RPS2: variants seen among roughly 807,000 people sequenced by gnomAD.
RPS2 encodes the protein ribosomal protein S2.
A neutral mutation model predicts 25.3 loss-of-function variants in RPS2; 8 were observed. That is an observed-to-expected ratio of 0.32 (90% CI 0.19 to 0.57). The LOEUF (loss-of-function observed/expected upper bound fraction) is 0.57, where lower values mean the gene tolerates loss of function less well. Among genes scored for constraint, RPS2 ranks in the 20% least tolerant of loss-of-function variants. RPS2 has a pLI of 0.90. For missense variants in RPS2, 229 were observed against 408.1 expected (o/e 0.56, Z 3.78); for synonymous variants, 181 against 161.3 (o/e 1.12, Z -0.92).
intron 3 of RPS2, chr16:1,963,781 C>G (rs1278436635): frequency 2.2e-6 from 1 of 457,626 alleles, no homozygotes; most frequent in Admixed American, 2.4e-5. Context: ...ATGTGGCTTT[C>G]CACTCAGATT....
intron 3 of RPS2, among the ~76,000 whole-genome samples, chr16:1,963,489 G>A (rs746715521): frequency 2.6e-5 from 4 of 152,024 alleles, no homozygotes; most frequent in Admixed American, 6.5e-5. Context: ...GGTGGAGTGC[G>A]CCTGTAACCC....
intron 3 of RPS2, chr16:1,963,589 G>C (rs1005073086): frequency 5.7e-6 from 2 of 353,644 alleles, no homozygotes; most frequent in African/African-American, 4.3e-5. Flanking sequence ...CTAGGCGATA[G>C]GGCGAAACTG....
In RPS2 at chr16:1,964,319, A is replaced by T. The variant is rs1266498173; in HGVS notation, c.224T>A (p.Ile75Asn). 2 of 1,613,582 alleles carry T rather than the reference A, an allele frequency of 1.2e-6. No individual in the cohort carries two copies. Among genetic ancestry groups the T allele is most frequent in the Admixed American group, 3.3e-5 (2 of 60,018 alleles). ...GAGATAGATCTCCTCCAGGGACTTG[A>T]TCTTCATGTCCTTGACCAAGCGGCC... ...KLGRLVKDMKIKSLEEIYLFS... is the reference protein window; with the variant it reads ...KLGRLVKDMKNKSLEEIYLFS... The change falls in exon 3 of 7, where the codon ATC (isoleucine) becomes AAC (asparagine). Residue 75 changes from isoleucine (I) to asparagine (N), a missense_variant. Physicochemically the swap from Ile to Asn is moderately radical, Grantham distance 149. Coordinates refer to ENST00000343262, the MANE Select transcript of RPS2 (RefSeq NM_002952.4).
chr16:1,964,697 G>C, intron 1 of RPS2, 69 bp from the exon 2 acceptor site: 1 of 878,548 alleles, frequency 1.1e-6, no homozygotes, highest in Non-Finnish European at 1.7e-6. Context: ...GCGAGACCCA[G>C]ACAAGGGCTC....
chr16:1,963,664 C>A (rs1470689362), intron 3 of RPS2: 2 of 367,950 alleles, frequency 5.4e-6, no homozygotes, highest in Admixed American at 6.6e-5. Context: ...TGGCTTCCCC[C>A]CGATCTGTCC....
intron 3 of RPS2, 51 bp from the exon 4 acceptor site, chr16:1,963,307 C>A (rs1174750548): frequency 8.0e-7 from 1 of 1,247,364 alleles, no homozygotes; most frequent in Non-Finnish European, 1.1e-6. Flanking sequence ...AAACTTAATA[C>A]CATTATGATA....
intron 3 of RPS2, 21 bp from the exon 4 acceptor site, chr16:1,963,277 G>A: frequency 1.4e-6 from 2 of 1,428,506 alleles, no homozygotes; most frequent in South Asian, 2.5e-5. Flanking sequence ...CAAGAAAATT[G>A]TAGGGAGAGC....
rs753605404 is a variant in RPS2, at chr16:1,962,819, T to C, written c.466A>G (p.Ile156Val). 1.2e-6 allele frequency: 2 copies of C among 1,610,304 alleles called. No homozygotes were observed. The highest frequency in any genetic ancestry group is 1.7e-6 in the Non-Finnish European group (2 of 1,179,654). Residue 156 changes from isoleucine (I) to valine (V), a missense_variant, in exon 5 of 7, where the codon ATC (isoleucine) becomes GTC (valine). Around this residue, in one of 7 missense-constraint regions of RPS2, gnomAD observed 79 missense variants for 159.0 expected, o/e 0.50. Coordinates refer to ENST00000343262, the MANE Select transcript of RPS2 (RefSeq NM_002952.4). ...EVATAIRGAIILAKLSIVPVR... is the reference protein window; with the variant it reads ...EVATAIRGAIVLAKLSIVPVR... ...GGGACGATGGAGAGCTTGGCCAGGA[T>C]GATGGCCCCACGGATGGCGGTGGCC...
Position 1,962,142 on chromosome 16 carries a change from C to T in RPS2, c.838G>A (p.Val280Ile), listed in dbSNP as rs140783691. 1.1e-5 allele frequency: 17 copies of T among 1,586,984 alleles called. No individual in the cohort carries two copies. The highest frequency in any genetic ancestry group is 1.4e-5 in the Non-Finnish European group (17 of 1,174,054). The change falls in exon 7 of 7, where the codon GTC (valine) becomes ATC (isoleucine). Residue 280 changes from valine (V) to isoleucine (I), a missense_variant. Physicochemically the swap from Val to Ile is conservative, Grantham distance 29. Around this residue, in one of 7 missense-constraint regions of RPS2, gnomAD observed 32 missense variants for 29.4 expected, o/e 1.09. Transcript: ENST00000343262. ...GGAGCCTGAGTCCGCTGCACGGAGA[C>T]TCTGGTGTGGGTCTTGACGAGGTGG... ...TDHLVKTHTR[V>I]SVQRTQAPAV...
chr16:1,962,477 C>T lies in RPS2; in HGVS notation c.709+20G>A. ...CGGAGCTGAGAGACCATGGCTATGC[C>T]CCATGTGTGGACCACCTACCGAAGT... is the stretch of plus-strand genomic sequence containing the variant. On this transcript the variant is annotated intron_variant, in intron 6 of 6. Coordinates refer to ENST00000343262, the MANE Select transcript of RPS2 (RefSeq NM_002952.4). 1.2e-6 allele frequency: 2 copies of T among 1,607,260 alleles called. No homozygotes were observed. The highest frequency in any genetic ancestry group is 1.3e-5 in the African/African-American group (1 of 74,912).
chr16:1,962,578 G>A lies in RPS2; in HGVS notation c.628C>T (p.Pro210Ser). ...CCAGCCATCATGAGCAGCTTCTTAG[G>A]CACAGGTGCGGAGACGATGCCAGTG... ...RGTGIVSAPVPKKLLMMAGID... is the reference protein window; with the variant it reads ...RGTGIVSAPVSKKLLMMAGID... Residue 210 changes from proline to serine, a missense_variant, in exon 6 of 7, where the codon CCT (proline) becomes TCT (serine). Pro to Ser is a moderately conservative substitution (Grantham distance 74). Transcript: ENST00000343262. The A allele has an allele frequency of 6.2e-7, 1 of 1,611,120 alleles. No homozygotes were observed. Among genetic ancestry groups the A allele is most frequent in the East Asian group, 2.2e-5 (1 of 44,882 alleles).
chr16:1,964,432 G>A lies in RPS2; in HGVS notation c.177+17C>T, dbSNP rs369579913. ...GCGCCGCCCAGGGGCCCGACCCCGA[G>A]CGTGGCTGATACCTACCTCCTTATC... On this transcript the variant is annotated intron_variant, in intron 2 of 6. Transcript: ENST00000343262. 39 of 1,612,346 alleles carry A rather than the reference G, an allele frequency of 2.4e-5. No homozygotes were observed. The highest frequency in any genetic ancestry group is 3.0e-5 in the Non-Finnish European group (35 of 1,179,866).
chr16:1,962,374 G>A (rs1198841069), intron 6 of RPS2, 104 bp from the exon 7 acceptor site: 2 of 1,364,806 alleles, frequency 1.5e-6, no homozygotes, highest in African/African-American at 1.4e-5. Context: ...ATTCTGGGCG[G>A]GTCTGTCGTG....
At chr16:1,964,423 C>G (rs403609) in intron 2 of RPS2, 26 bp downstream of exon 2, 810,636 of 1,611,772 alleles carry the variant, frequency 0.5, 211,024 homozygotes, top group Middle Eastern at 0.56. Flanking sequence ...CCCAGGGGCC[C>G]GACCCCGAGC....
rs11539480 is a variant in RPS2 at position 1,962,240 on chromosome 16, G to A, written c.740C>T (p.Thr247Ile). The change falls in exon 7 of 7, where the codon ACC becomes ATC. Residue 247 changes from threonine to isoleucine, a missense_variant. Transcript: ENST00000343262. Reference sequence around the variant, plus strand: ...GAGGTCGGGGGTCAGGTAGCTGTAGGTCTTAGAAATGGCATCAAAGGTGGC... The same window carrying A: ...GAGGTCGGGGGTCAGGTAGCTGTAGATCTTAGAAATGGCATCAAAGGTGGC... ...AKATFDAISK[T>I]YSYLTPDLWK... The A allele has an allele frequency of 2.5e-6, 4 of 1,612,716 alleles. No individual in the cohort carries two copies. Among genetic ancestry groups the A allele is most frequent in the Non-Finnish European group, 3.4e-6 (4 of 1,179,686 alleles).
chr16:1,964,028 T>G, intron 3 of RPS2: 1 of 533,968 alleles, frequency 1.9e-6, no homozygotes, highest in Non-Finnish European at 3.4e-6. Flanking sequence ...TTTCAGTTCT[T>G]TCGAAATGAA....
In RPS2 at chr16:1,963,732, C is replaced by G. The variant is rs1205256002; in HGVS notation, c.268-476G>C. 4 of 444,972 alleles carry G rather than the reference C, an allele frequency of 9.0e-6. No individual in the cohort carries two copies. In the Admixed American group the frequency reaches 1.0e-4, roughly 11 times the overall value. The allele number at this position is 444,972 out of a possible 1,614,324, so 27.6% of individuals were successfully genotyped here. ...GGTTACCCTATTTCTGCATCTCAATCGTTTCTTCCTATTTGCCCTTTTTCT... is the reference window on the plus strand; with the variant it reads ...GGTTACCCTATTTCTGCATCTCAATGGTTTCTTCCTATTTGCCCTTTTTCT... On this transcript the variant is annotated intron_variant, in intron 3 of 6. Transcript: ENST00000343262.
Position 1,964,067 on chromosome 16 carries a change from A to C in RPS2, c.267+209T>G. The C allele has an allele frequency of 1.0e-5, 6 of 585,174 alleles. 1 individual carries two copies. The South Asian group carries it at 1.2e-4, about 12-fold the overall frequency. 36.2% of individuals were successfully genotyped at this position (585,174 alleles called of 1,614,324 possible). On this transcript the variant is annotated intron_variant, in intron 3 of 6. Transcript: ENST00000343262. The stretch of plus-strand genomic sequence containing the variant: ...GCTGCGAATGTGGGAAGATGCGCTG[A>C]AATGCCTTTTGTGGCTCTGGCTTCG...
At position 1,964,480 on chromosome 16, in the gene RPS2, C is replaced by G. The variant is rs752326265; in HGVS notation, c.146G>C (p.Gly49Ala). 6.2e-7 allele frequency: 1 copy of G among 1,608,950 alleles called. No individual in the cohort carries two copies. Among genetic ancestry groups the G allele is most frequent in the South Asian group, 1.1e-5 (1 of 90,838 alleles). The change falls in exon 2 of 7, where the codon GGA becomes GCA. Residue 49 changes from glycine (G) to alanine (A), a missense_variant. By Grantham distance (60) the Gly-to-Ala change is moderately conservative (BLOSUM62 0). Coordinates refer to ENST00000343262, the MANE Select transcript of RPS2 (RefSeq NM_002952.4). ...GRGRGRGRGRGARGGKAEDKE... is the reference protein window; with the variant it reads ...GRGRGRGRGRAARGGKAEDKE... ...ATCCTCGGCCTTGCCTCCGCGAGCT[C>G]CGCGGCCTCGGCCCCGGCCCCGTCC...
Sources: gnomAD v4.1 joint callset for allele counts (sites outside exome capture counted in the v4.1 genomes callset) on GRCh38, gnomAD v4.1.1 for gene constraint, gnomAD v4.1.1 regional missense constraint, MANE v1.5 for transcripts, NCBI Gene and HGNC (gene_info 2026-07-23, HGNC 2026-07-21) for gene names.